CRADD: variants seen among roughly 807,000 people sequenced by gnomAD.
CRADD encodes CARD and death domain containing adaptor protein, also known as death domain-containing protein CRADD.
Under a neutral mutation model 15.5 loss-of-function variants are expected in CRADD, and 9 were observed. The ratio of observed to expected loss-of-function variants is 0.58; its 90% confidence interval spans 0.35 to 1.01. The LOEUF is 1.01. Ranked by LOEUF, CRADD falls within the 50% of genes least tolerant of loss-of-function variation. The pLI is 0.02. For synonymous variants in CRADD, 118 were observed against 107.6 expected (o/e 1.10, Z -0.60); for missense variants, 227 against 250.3 (o/e 0.91, Z 0.63).
chr12:93,824,320 T>C lies in CRADD; in HGVS notation c.299-25650T>C, dbSNP rs1343475155. Among the ~76,000 whole-genome samples the C allele has an allele frequency of 6.6e-6, 1 of 152,176 alleles. No homozygotes were observed. Among genetic ancestry groups the C allele is most frequent in the Non-Finnish European group, 1.5e-5 (1 of 68,028 alleles). On this transcript the variant is annotated intron_variant, in intron 2 of 2. Transcript: ENST00000332896. The surrounding 1 kb of genome is among the most constrained non-coding windows in gnomAD (Gnocchi z 4.3). ...ATATGTAGATAAGCTGTTTCATTTT[T>C]CATCCCTATAATTTCCTAGGTTTGA...
At chr12:93,828,898 A>G (rs1216322291) in intron 2 of CRADD, among the ~76,000 whole-genome samples, 2 of 152,144 alleles carry the variant, frequency 1.3e-5, no homozygotes, top group African/African-American at 4.8e-5. Context: ...AGTCATTTTG[A>G]TCGGGAGTGA....
chr12:93,695,098 A>G (rs1445755260), intron 2 of CRADD, among the ~76,000 whole-genome samples: 1 of 152,232 alleles, frequency 6.6e-6, no homozygotes, highest in African/African-American at 2.4e-5. Flanking sequence ...TCAGAACAGC[A>G]TGGTGTTGGC....
exon 3 of CRADD, chr12:93,894,634 C>T (rs976809399): frequency 1.2e-4 from 18 of 152,866 alleles, no homozygotes; most frequent in Middle Eastern, 3.2e-3. Context: ...AGTCACAGGG[C>T]GCCTGTCTTC....
At chr12:93,894,445 C>A (rs1223353843) in exon 3 of CRADD, 2 of 261,308 alleles carry the variant, frequency 7.7e-6, no homozygotes, top group East Asian at 7.2e-5. Flanking sequence ...GCAATTGCAA[C>A]CTCTGGGAGT....
At chr12:93,826,750 T>C (rs1957828589) in intron 2 of CRADD, 1 of 152,148 alleles carries the variant, frequency 6.6e-6, no homozygotes, top group African/African-American at 2.4e-5. Flanking sequence ...TTTCAGAGTA[T>C]CACCATCTTC....
At chr12:93,765,053 G>A (rs1314195703) in intron 2 of CRADD, among the ~76,000 whole-genome samples, 1 of 151,896 alleles carries the variant, frequency 6.6e-6, no homozygotes, top group Non-Finnish European at 1.5e-5. Flanking sequence ...TGGCTGAATG[G>A]AAATTTAAAA....
chr12:93,806,709 A>G (rs948105798), intron 2 of CRADD, among the ~76,000 whole-genome samples: 1 of 152,144 alleles, frequency 6.6e-6, no homozygotes, highest in Non-Finnish European at 1.5e-5. Flanking sequence ...TAAGGAGTAG[A>G]AGACATTACA....
At chr12:93,890,533 AAGG>A (rs1407186970) in intron 2 of CRADD, among the ~76,000 whole-genome samples, 1 of 152,092 alleles carries the variant, frequency 6.6e-6, no homozygotes, top group African/African-American at 2.4e-5. Flanking sequence ...TCCGTGCAGG[AAGG>A]AGGTTAGATC....
intron 2 of CRADD, among the ~76,000 whole-genome samples, chr12:93,838,462 T>A (rs1269143235): frequency 2.0e-5 from 3 of 151,874 alleles, no homozygotes; most frequent in Non-Finnish European, 2.9e-5. Flanking sequence ...GCCCCAGGGG[T>A]ACCGTGAGAC....
At chr12:93,812,047 T>C (rs1957633251) in intron 2 of CRADD, among the ~76,000 whole-genome samples, 1 of 152,146 alleles carries the variant, frequency 6.6e-6, no homozygotes, top group Non-Finnish European at 1.5e-5. Flanking sequence ...CGGTATACTG[T>C]ATGACATCTG....
downstream of CRADD, chr12:93,850,830 C>CT (rs1327964677): frequency 9.3e-5 from 65 of 698,130 alleles, no homozygotes; most frequent in East Asian, 2.7e-4. The surrounding 1 kb of genome is among the most constrained non-coding windows in gnomAD (Gnocchi z 4.0). Context: ...TTACAATAGT[C>CT]TTTTTTTTCT....
At chr12:93,709,803 G>T (rs1455081219) in intron 2 of CRADD, among the ~76,000 whole-genome samples, 1 of 152,178 alleles carries the variant, frequency 6.6e-6, no homozygotes, top group Admixed American at 6.5e-5. Flanking sequence ...TGGGTCGAAT[G>T]GTAGTTCTGC....
chr12:93,816,383 A>ATTT (rs61294048), intron 2 of CRADD, among the ~76,000 whole-genome samples: 2 of 122,114 alleles, frequency 1.6e-5, no homozygotes, highest in Non-Finnish European at 1.6e-5. Context: ...TGCCTGGCTA[A>ATTT]TTTTTTTTTT....
At chr12:93,770,334 T>G (rs944005206) in intron 2 of CRADD, among the ~76,000 whole-genome samples, 3 of 152,052 alleles carry the variant, frequency 2.0e-5, no homozygotes, top group African/African-American at 7.2e-5. Context: ...CCTGACCTCG[T>G]GATCCGCCCG....
intron 2 of CRADD, among the ~76,000 whole-genome samples, chr12:93,748,139 T>C (rs1956784186): frequency 6.6e-6 from 1 of 152,216 alleles, no homozygotes. Context: ...TGATAGTCCC[T>C]ACCACAGAAT....
chr12:93,729,984 T>C (rs568454238), intron 2 of CRADD, among the ~76,000 whole-genome samples: 2 of 152,072 alleles, frequency 1.3e-5, no homozygotes, highest in South Asian at 4.1e-4. Flanking sequence ...ACCAAAGATA[T>C]GAAAAGGTAA....
In CRADD at chr12:93,824,541, C is replaced by T. The variant is rs1271681941; in HGVS notation, c.299-25429C>T. On this transcript the variant is annotated intron_variant, in intron 2 of 2. Transcript: ENST00000332896. This position sits in a 1 kb window ranked among gnomAD's most constrained non-coding sequence, Gnocchi z 4.3. ...AGTACCTTGCTGCTGGAAAAGAAGT[C>T]AAAAAATTGCTTTGAAGAGTATATT... Among the ~76,000 whole-genome samples, 1 of 151,958 alleles carries T rather than the reference C, an allele frequency of 6.6e-6. No individual in the cohort carries two copies. Among genetic ancestry groups the T allele is most frequent in the East Asian group, 1.9e-4 (1 of 5,190 alleles).
At chr12:93,748,535 A>G (rs1956792616) in intron 2 of CRADD, among the ~76,000 whole-genome samples, 1 of 152,126 alleles carries the variant, frequency 6.6e-6, no homozygotes, top group Admixed American at 6.5e-5. Context: ...TCGAACTCCC[A>G]ACCTCGGATG....
chr12:93,720,858 C>A (rs1487437478), intron 2 of CRADD, among the ~76,000 whole-genome samples: 2 of 152,052 alleles, frequency 1.3e-5, no homozygotes, highest in Non-Finnish European at 1.5e-5. Context: ...TTTTGATCTA[C>A]CTTGACAATT....
Sources: gnomAD v4.1 joint callset for allele counts (sites outside exome capture counted in the v4.1 genomes callset) on GRCh38, gnomAD v4.1.1 for gene constraint, Gnocchi (gnomAD v3.1) non-coding constraint, MANE v1.5 for transcripts, NCBI Gene and HGNC (gene_info 2026-07-23, HGNC 2026-07-21) for gene names.